TMC3: variants seen among roughly 807,000 people sequenced by gnomAD.
TMC3 encodes the protein transmembrane channel like 3, also known as transmembrane channel-like protein 3.
TMC3 carries 98 observed loss-of-function variants against 110.6 expected under a neutral mutation model. That is an observed-to-expected ratio of 0.89 (90% CI 0.75 to 1.05). TMC3 has a LOEUF of 1.05. Among genes scored for constraint, TMC3 ranks in the 50% least tolerant of loss-of-function variants. TMC3 has a pLI of 0.00. For missense variants in TMC3, 1,319 were observed against 1,373.2 expected, an observed-to-expected ratio of 0.96 and a Z score of 0.62; for synonymous variants, 489 against 513.1, an observed-to-expected ratio of 0.95 and a Z score of 0.63.
In TMC3 at chr15:81,334,763, G is replaced by A; in HGVS notation, c.2416C>T (p.Leu806Phe). The change falls in exon 21 of 22, where the codon CTC (leucine) becomes TTC (phenylalanine). Residue 806 changes from leucine to phenylalanine, a missense_variant. Transcript: ENST00000359440. ...AGCCTGGATTTGGGGACCCCAGGGA[G>A]AGGTGAGCTAGGAGCCCTGTCCCCT... ...RPGDRAPSSP[L>F]PGVPKSRLEH... 2.5e-6 allele frequency: 4 copies of A among 1,614,026 alleles called. No homozygotes were observed. The South Asian group carries it at 4.4e-5, about 18-fold the overall frequency.
At chr15:81,358,578 G>T in intron 5 of TMC3, 78 bp from the exon 6 acceptor site, 1 of 1,196,642 alleles carries the variant, frequency 8.4e-7, no homozygotes, top group Non-Finnish European at 1.2e-6. Flanking sequence ...TGATCTCCAT[G>T]TGCTTGTGAA....
In TMC3 at chr15:81,344,038, A is replaced by G. The variant is rs760269145; in HGVS notation, c.1526T>C (p.Leu509Pro). ...GAGCATGTCAATGATGGAGAGCTTC[A>G]GCATCTCCTGAAACACAGGGCGTCC... ...CWETYVGQEM[L>P]KLSIIDMLFT... Residue 509 changes from leucine (L) to proline (P), a missense_variant, in exon 14 of 22, where the codon CTG becomes CCG. Leu to Pro is a moderately conservative substitution (Grantham distance 98). Transcript: ENST00000359440. 1 of 1,609,122 alleles carries G rather than the reference A, an allele frequency of 6.2e-7. No homozygotes were observed. The highest frequency in any genetic ancestry group is 1.1e-5 in the South Asian group (1 of 90,956).
At chr15:81,352,257 A>ATGATTCTG (rs1489562401) in intron 9 of TMC3, among the ~76,000 whole-genome samples, 2 of 152,194 alleles carry the variant, frequency 1.3e-5, no homozygotes, top group Non-Finnish European at 2.9e-5. Context: ...GGGAGGACAC[A>ATGATTCTG]TGATTCTGCC....
intron 15 of TMC3, among the ~76,000 whole-genome samples, chr15:81,342,197 C>T (rs1463805034): frequency 1.3e-5 from 2 of 152,222 alleles, no homozygotes. Flanking sequence ...AAACCCATGT[C>T]TTCAGACTTA....
chr15:81,372,794 G>A, intron 1 of TMC3, 57 bp from the exon 2 acceptor site: 2 of 1,579,618 alleles, frequency 1.3e-6, no homozygotes, highest in South Asian at 1.1e-5. Flanking sequence ...TTCCAGCAAA[G>A]ATCATCTTGC....
At chr15:81,346,585 C>T (rs537841823) in intron 11 of TMC3, 142 bp from the exon 12 acceptor site, 97 of 784,888 alleles carry the variant, frequency 1.2e-4, no homozygotes, top group African/African-American at 7.8e-4. Flanking sequence ...AATCACCTTG[C>T]GGGCATTTTT....
intron 18 of TMC3, 40 bp downstream of exon 18, chr15:81,338,615 A>G (rs756345320): frequency 1.3e-6 from 2 of 1,592,248 alleles, no homozygotes; most frequent in Non-Finnish European, 1.7e-6. Context: ...TTGGCCAAAC[A>G]CACAGAAGTC....
intron 3 of TMC3, among the ~76,000 whole-genome samples, chr15:81,367,533 A>G (rs550876441): frequency 6.6e-6 from 1 of 152,302 alleles, no homozygotes; most frequent in South Asian, 2.1e-4. Context: ...ACTGAATGGG[A>G]AAAATAACAA....
chr15:81,345,670 GACC>G (rs1893812130), intron 12 of TMC3, among the ~76,000 whole-genome samples: 1 of 152,012 alleles, frequency 6.6e-6, no homozygotes, highest in African/African-American at 2.4e-5. Context: ...AAGAGTTTGA[GACC>G]AGCCTGAGCA....
At position 81,351,860 on chromosome 15, in the gene TMC3, A is replaced by C; in HGVS notation, c.936-19T>G. 6.2e-7 allele frequency: 1 copy of C among 1,611,234 alleles called. No individual in the cohort carries two copies. The highest frequency in any genetic ancestry group is 1.1e-5 in the South Asian group (1 of 90,252). On this transcript the variant is annotated intron_variant, in intron 9 of 21. Transcript: ENST00000359440. The stretch of plus-strand genomic sequence containing the variant: ...CACTGCCCTGGGGAGAGAAACAGGC[A>C]TGAGAACGGTACACAGGGTCCTGCT...
intron 11 of TMC3, among the ~76,000 whole-genome samples, chr15:81,347,186 G>C (rs1163988960): frequency 6.6e-6 from 1 of 151,704 alleles, no homozygotes; most frequent in Non-Finnish European, 1.5e-5. Context: ...AGTGAGAAAG[G>C]AAACGACAGG....
At chr15:81,368,135 G>A (rs956654459) in intron 3 of TMC3, 118 bp downstream of exon 3, 64 of 705,106 alleles carry the variant, frequency 9.1e-5, no homozygotes, top group Non-Finnish European at 1.3e-4. Flanking sequence ...GGGTTTCACC[G>A]TGTTAGCCAG....
intron 16 of TMC3, among the ~76,000 whole-genome samples, chr15:81,340,231 TC>T (rs1893685591): frequency 1.4e-5 from 2 of 147,548 alleles, no homozygotes; most frequent in Admixed American, 1.3e-4. Flanking sequence ...TCTGTCTCTC[TC>T]TCTCTCTCTC....
At chr15:81,356,346 T>G in intron 8 of TMC3, 101 bp downstream of exon 8, 3 of 1,314,588 alleles carry the variant, frequency 2.3e-6, no homozygotes, top group East Asian at 2.6e-5. Context: ...ACAATGAACA[T>G]CAATGGGAAG....
Position 81,362,315 on chromosome 15 carries a change from G to A in TMC3, c.313-14C>T. ...TTTCCGCCAGAGCTAGACAAGAGGG[G>A]TCAGGATTAGAGAGGTCACGTACAT... On this transcript the variant is annotated splice_polypyrimidine_tract_variant and intron_variant, in intron 3 of 21. Coordinates refer to ENST00000359440, the MANE Select transcript of TMC3 (RefSeq NM_001080532.3). The A allele has an allele frequency of 6.2e-7, 1 of 1,606,592 alleles. No individual in the cohort carries two copies. Among genetic ancestry groups the A allele is most frequent in the Non-Finnish European group, 8.5e-7 (1 of 1,175,760 alleles).
At chr15:81,362,724 C>T (rs551047400) in intron 3 of TMC3, among the ~76,000 whole-genome samples, 23 of 152,206 alleles carry the variant, frequency 1.5e-4, no homozygotes, top group African/African-American at 5.1e-4. Flanking sequence ...ACAAATTACT[C>T]GAGGAATGAT....
chr15:81,346,430 A>G lies in TMC3; in HGVS notation c.1207T>C (p.Tyr403His). 2 of 1,613,650 alleles carry G rather than the reference A, an allele frequency of 1.2e-6. No homozygotes were observed. Among genetic ancestry groups the G allele is most frequent in the Non-Finnish European group, 1.7e-6 (2 of 1,179,780 alleles). Residue 403 changes from tyrosine (Y) to histidine (H), a missense_variant, in exon 12 of 22, where the codon TAT becomes CAT. By Grantham distance (83) the Tyr-to-His change is moderately conservative. Transcript: ENST00000359440. ...RFQLARVLVL[Y>H]LGNLYSLIIA... ...ATCAGGCTGTAGAGATTTCCCAAAT[A>G]CAGCACAAGGACCCTGAAAGCCACA...
At chr15:81,348,822 T>C (rs902310349) in intron 11 of TMC3, among the ~76,000 whole-genome samples, 1 of 152,092 alleles carries the variant, frequency 6.6e-6, no homozygotes, top group African/African-American at 2.4e-5. Flanking sequence ...TGTTTGTTTG[T>C]TTGTTTGAGA....
chr15:81,355,808 A>G (rs779322496), intron 8 of TMC3, 40 bp from the exon 9 acceptor site: 1 of 1,278,264 alleles, frequency 7.8e-7, no homozygotes, highest in Non-Finnish European at 1.1e-6. Flanking sequence ...GCTTAGCATC[A>G]TCATTAATTA....
Sources: gnomAD v4.1 joint callset for allele counts (sites outside exome capture counted in the v4.1 genomes callset) on GRCh38, gnomAD v4.1.1 for gene constraint, MANE v1.5 for transcripts, NCBI Gene and HGNC (gene_info 2026-07-23, HGNC 2026-07-21) for gene names.